The following PAPPA variants were observed in gnomAD, a reference collection of about 807,000 sequenced individuals.
PAPPA encodes the protein pappalysin 1.
Under a neutral mutation model 164.0 loss-of-function variants are expected in PAPPA, and 60 were observed. The observed-to-expected ratio is 0.37, with a 90% confidence interval of 0.30 to 0.45. PAPPA has a LOEUF of 0.45. PAPPA is among the 20% of genes least tolerant of loss of function. The pLI is 1.00. For synonymous variants in PAPPA, 875 were observed against 814.1 expected, an observed-to-expected ratio of 1.07 and a Z score of -1.27; for missense variants, 1,782 against 2,087.3, an observed-to-expected ratio of 0.85 and a Z score of 2.85.
At chr9:116,306,435 A>G (rs1009459069) in intron 10 of PAPPA, among the ~76,000 whole-genome samples, 2 of 152,190 alleles carry the variant, frequency 1.3e-5, no homozygotes, top group African/African-American at 2.4e-5. Flanking sequence ...ATGATTCCCA[A>G]ATTTGGTTAG....
intron 13 of PAPPA, among the ~76,000 whole-genome samples, chr9:116,337,690 T>A (rs940408883): frequency 6.7e-6 from 1 of 150,200 alleles, no homozygotes; most frequent in African/African-American, 2.4e-5. Flanking sequence ...CTCCATCTCC[T>A]CTCTCTCTCT....
At chr9:116,332,286 A>T (rs749294457) in intron 11 of PAPPA, 47 bp from the exon 12 acceptor site, 33 of 1,579,472 alleles carry the variant, frequency 2.1e-5, no homozygotes, top group Non-Finnish European at 8.7e-6. Context: ...CCTCCCCACC[A>T]CATGACTGAG....
intron 21 of PAPPA, among the ~76,000 whole-genome samples, chr9:116,392,100 G>A (rs539580140): frequency 3.5e-4 from 54 of 152,326 alleles, no homozygotes; most frequent in African/African-American, 1.2e-3. Flanking sequence ...AATGGGGATA[G>A]TAAGAATAGT....
Position 116,187,605 on chromosome 9 carries a change from C to A in PAPPA, c.867C>A (p.Asn289Lys), listed in dbSNP as rs772414500. The change falls in exon 2 of 22, where the codon AAC (asparagine) becomes AAA (lysine). Residue 289 changes from asparagine (N) to lysine (K), a missense_variant. This residue lies in a region of PAPPA where 458 missense variants were observed against 430.3 expected (regional missense o/e 1.06). Transcript: ENST00000328252. The surrounding 1 kb of genome is among the most constrained non-coding windows in gnomAD (Gnocchi z 4.2). Reference protein sequence around the residue: ...TALPQLLLQENWDNVKHAWSP... With the variant: ...TALPQLLLQEKWDNVKHAWSP... ...TACCTCAGCTCCTCCTCCAGGAGAA[C>A]TGGGACAATGTGAAGCATGCCTGGT... is the stretch of plus-strand genomic sequence containing the variant. The A allele has an allele frequency of 1.9e-6, 3 of 1,614,228 alleles. No individual in the cohort carries two copies. The highest frequency in any genetic ancestry group is 3.3e-5 in the Admixed American group (2 of 60,028).
chr9:116,323,232 G>A (rs1796739336), intron 10 of PAPPA, among the ~76,000 whole-genome samples: 2 of 152,196 alleles, frequency 1.3e-5, no homozygotes, highest in African/African-American at 2.4e-5. Context: ...TTGGAGGCGG[G>A]TGCTGGATGT....
At chr9:116,377,215 C>A (rs1278854830) in intron 19 of PAPPA, among the ~76,000 whole-genome samples, 1 of 151,888 alleles carries the variant, frequency 6.6e-6, no homozygotes, top group Admixed American at 6.6e-5. Flanking sequence ...CATGCGCACA[C>A]ACACACACAC....
chr9:116,164,888 G>A (rs1430094903), intron 1 of PAPPA, among the ~76,000 whole-genome samples: 2 of 152,300 alleles, frequency 1.3e-5, no homozygotes, highest in East Asian at 3.9e-4. Context: ...GTTTTGTGAA[G>A]TAAACTTCAT....
chr9:116,356,698 C>G (rs1278075946), intron 17 of PAPPA, among the ~76,000 whole-genome samples: 1 of 152,206 alleles, frequency 6.6e-6, no homozygotes, highest in Admixed American at 6.5e-5. Context: ...GGACTCTGTT[C>G]TGTTCCATTG....
At chr9:116,383,217 G>A (rs1475463739) in intron 21 of PAPPA, among the ~76,000 whole-genome samples, 3 of 152,326 alleles carry the variant, frequency 2.0e-5, no homozygotes, top group Non-Finnish European at 4.4e-5. Context: ...ACCAGAGTGA[G>A]GAGCCCCAGC....
intron 21 of PAPPA, among the ~76,000 whole-genome samples, chr9:116,395,000 G>A (rs748203568): frequency 1.6e-4 from 24 of 152,110 alleles, no homozygotes; most frequent in Non-Finnish European, 3.1e-4. Context: ...TAAAGGAGAG[G>A]GAGCGGGAGA....
At chr9:116,379,863 G>A (rs780629848) in intron 20 of PAPPA, among the ~76,000 whole-genome samples, 4 of 152,264 alleles carry the variant, frequency 2.6e-5, no homozygotes, top group South Asian at 4.1e-4. Flanking sequence ...GTCTGAATGC[G>A]TTACTAGTAG....
At chr9:116,260,506 C>T (rs1844988589) in intron 7 of PAPPA, among the ~76,000 whole-genome samples, 1 of 152,184 alleles carries the variant, frequency 6.6e-6, no homozygotes, top group African/African-American at 2.4e-5. Flanking sequence ...AATACTTGGA[C>T]TCTTCCTGAG....
At chr9:116,371,526 C>G (rs1364565190) in intron 19 of PAPPA, among the ~76,000 whole-genome samples, 1 of 152,196 alleles carries the variant, frequency 6.6e-6, no homozygotes, top group Non-Finnish European at 1.5e-5. Flanking sequence ...AACACCCATA[C>G]ACATACTACC....
Position 116,187,127 on chromosome 9 carries a change from T to A in PAPPA, c.416-27T>A. The stretch of plus-strand genomic sequence containing the variant: ...CCCTCCTTTTCCATCCTTTATTTAT[T>A]CATCTTTCTCTTTTGGGGCCACATA... On this transcript the variant is annotated intron_variant, in intron 1 of 21. Coordinates refer to ENST00000328252, the MANE Select transcript of PAPPA (RefSeq NM_002581.5). This position sits in a 1 kb window ranked among gnomAD's most constrained non-coding sequence, Gnocchi z 4.2. The A allele has an allele frequency of 6.7e-7, 1 of 1,503,532 alleles. No individual in the cohort carries two copies. Among genetic ancestry groups the A allele is most frequent in the Non-Finnish European group, 9.2e-7 (1 of 1,084,884 alleles). 93.1% of individuals were successfully genotyped at this position (1,503,532 alleles called of 1,614,324 possible). A position where few individuals can be genotyped will look rare whatever the true frequency, so the allele number is the denominator to read the frequency against.
At chr9:116,312,288 C>CTTTTTTT (rs5900201) in intron 10 of PAPPA, among the ~76,000 whole-genome samples, 276 of 129,372 alleles carry the variant, frequency 2.1e-3, no homozygotes, top group Middle Eastern at 4.4e-3. Context: ...TTCTTTCTTT[C>CTTTTTTT]TTTTTTTTTT....
At chr9:116,295,776 A>G (rs1845498615) in intron 9 of PAPPA, among the ~76,000 whole-genome samples, 1 of 152,174 alleles carries the variant, frequency 6.6e-6, no homozygotes, top group South Asian at 2.1e-4. Flanking sequence ...CAAACTATTT[A>G]TACCCTCTAA....
intron 10 of PAPPA, among the ~76,000 whole-genome samples, chr9:116,312,288 C>CTTTTT (rs5900201): frequency 1.1e-3 from 139 of 129,536 alleles, no homozygotes; most frequent in East Asian, 1.6e-3. Context: ...TTCTTTCTTT[C>CTTTTT]TTTTTTTTTT....
At chr9:116,303,339 C>T (rs1845603417) in intron 10 of PAPPA, among the ~76,000 whole-genome samples, 1 of 152,124 alleles carries the variant, frequency 6.6e-6, no homozygotes, top group African/African-American at 2.4e-5. Flanking sequence ...TGCTATGTGG[C>T]CTTAGACTAG....
At chr9:116,318,998 A>G (rs568022313) in intron 10 of PAPPA, among the ~76,000 whole-genome samples, 4 of 152,282 alleles carry the variant, frequency 2.6e-5, no homozygotes, top group African/African-American at 9.6e-5. Context: ...TCTCTGTGCC[A>G]GACTTTCCCT....
Sources: allele counts gnomAD v4.1 joint callset (sites outside exome capture counted in the v4.1 genomes callset), GRCh38; gene constraint gnomAD v4.1.1; regional missense constraint gnomAD v4.1.1; non-coding constraint Gnocchi (gnomAD v3.1); transcripts MANE v1.5; gene names NCBI Gene and HGNC (gene_info 2026-07-23, HGNC 2026-07-21).